Variants in CADM2 observed in about 807,000 individuals in gnomAD.
The protein encoded by CADM2 is cell adhesion molecule 2.
A neutral mutation model predicts 49.8 loss-of-function variants in CADM2; 12 were observed. The observed-to-expected ratio is 0.24, with a 90% CI of 0.15 to 0.39. The LOEUF (loss-of-function observed/expected upper bound fraction) is 0.39. Ranked by LOEUF, CADM2 falls within the 10% of genes least tolerant of loss-of-function variation. CADM2 has a pLI of 1.00. For synonymous variants in CADM2, 214 were observed against 175.4 expected (o/e 1.22, Z -1.74); for missense variants, 378 against 492.3 (o/e 0.77, Z 2.20).
intron 1 of CADM2, among the ~76,000 whole-genome samples, chr3:85,638,670 G>C (rs997838058): frequency 2.6e-5 from 4 of 151,858 alleles, no homozygotes; most frequent in South Asian, 2.1e-4. Context: ...AATGCTGTTG[G>C]ATGACTCTTA....
At chr3:85,749,434 T>G (rs1294230491) in intron 2 of CADM2, among the ~76,000 whole-genome samples, 1 of 152,012 alleles carries the variant, frequency 6.6e-6, no homozygotes, top group Non-Finnish European at 1.5e-5. Context: ...TAACCCATTT[T>G]TTCCTACTTA....
intron 1 of CADM2, among the ~76,000 whole-genome samples, chr3:85,029,417 A>C (rs1032047586): frequency 2.0e-5 from 3 of 152,176 alleles, no homozygotes; most frequent in Non-Finnish European, 2.9e-5. Context: ...TTTGTTAAGG[A>C]TCTTTCTCTT....
intron 1 of CADM2, among the ~76,000 whole-genome samples, chr3:85,651,193 A>G (rs1341928075): frequency 6.6e-6 from 1 of 152,162 alleles, no homozygotes; most frequent in East Asian, 1.9e-4. Context: ...ATCAGAATTA[A>G]TGTAATACAT....
At chr3:85,249,657 A>G (rs1456394707) in intron 1 of CADM2, among the ~76,000 whole-genome samples, 1 of 151,986 alleles carries the variant, frequency 6.6e-6, no homozygotes, top group Admixed American at 6.6e-5. Flanking sequence ...AAAATAATTT[A>G]TTTCAGGTCT....
Position 85,802,088 on chromosome 3 carries a change from GT to G in CADM2, c.132del (p.Glu45LysfsTer7). On this transcript the variant is annotated frameshift_variant, in exon 3 of 10. Transcript: ENST00000383699. LOFTEE classifies it high-confidence loss of function. The stretch of plus-strand genomic sequence containing the variant: ...TCCACTAACACAGAATGTAACCGTT[GT>G]TGAAGGTGGAACTGCAATTTTGACC... Reference protein sequence around the residue: ...QFPLTQNVTVVEGGTAILTCR... With the variant: ...QFPLTQNVTVXEGGTAILTCR... 1 of 1,612,980 alleles carries G rather than the reference GT, an allele frequency of 6.2e-7. No individual in the cohort carries two copies. The highest frequency in any genetic ancestry group is 8.5e-7 in the Non-Finnish European group (1 of 1,179,362).
chr3:85,220,501 T>A (rs2042021035), intron 1 of CADM2, among the ~76,000 whole-genome samples: 1 of 152,138 alleles, frequency 6.6e-6, no homozygotes, highest in South Asian at 2.1e-4. Context: ...AGTCAGGTTC[T>A]TGAGAGTATC....
chr3:85,422,860 G>C (rs563723122), intron 1 of CADM2, among the ~76,000 whole-genome samples: 3 of 152,006 alleles, frequency 2.0e-5, no homozygotes, highest in African/African-American at 7.2e-5. Context: ...AGTGTCTCGG[G>C]GTGTTACAAT....
chr3:85,266,407 G>A (rs763840206), intron 1 of CADM2, among the ~76,000 whole-genome samples: 2 of 151,794 alleles, frequency 1.3e-5, no homozygotes, highest in Non-Finnish European at 2.9e-5. Flanking sequence ...GTAGATAATA[G>A]ATTCAGACTG....
chr3:85,017,442 T>C (rs2107278860), intron 1 of CADM2, among the ~76,000 whole-genome samples: 1 of 152,328 alleles, frequency 6.6e-6, no homozygotes, highest in East Asian at 1.9e-4. Flanking sequence ...TGAAGCAATA[T>C]ATTGTGATGT....
At chr3:85,041,199 G>GT (rs1343628260) in intron 1 of CADM2, among the ~76,000 whole-genome samples, 1 of 152,048 alleles carries the variant, frequency 6.6e-6, no homozygotes, top group Non-Finnish European at 1.5e-5. Flanking sequence ...TGCTATATCT[G>GT]ATTTCATGTG....
chr3:85,696,021 G>T (rs58150499), intron 1 of CADM2, among the ~76,000 whole-genome samples: 4,134 of 152,052 alleles, frequency 0.027, 138 homozygotes, highest in African/African-American at 0.068. Flanking sequence ...CTGATGATTA[G>T]CAATGTTTAG....
intron 1 of CADM2, among the ~76,000 whole-genome samples, chr3:85,599,478 T>C (rs1237989267): frequency 6.6e-6 from 1 of 151,916 alleles, no homozygotes; most frequent in African/African-American, 2.4e-5. Context: ...AGCCCAAAAC[T>C]GTTTCTGCAT....
intron 2 of CADM2, among the ~76,000 whole-genome samples, chr3:85,799,305 A>G (rs2108063423): frequency 6.6e-6 from 1 of 152,222 alleles, no homozygotes; most frequent in South Asian, 2.1e-4. Flanking sequence ...TTCCAATACT[A>G]TGTTGAATAG....
chr3:86,031,773 G>A (rs1196915987), intron 8 of CADM2, among the ~76,000 whole-genome samples: 1 of 151,718 alleles, frequency 6.6e-6, no homozygotes, highest in Non-Finnish European at 1.5e-5. Flanking sequence ...TATTCAGTCA[G>A]TGAGATAGTC....
At chr3:85,135,730 A>G (rs2039398340) in intron 1 of CADM2, among the ~76,000 whole-genome samples, 1 of 152,064 alleles carries the variant, frequency 6.6e-6, no homozygotes, top group East Asian at 1.9e-4. Context: ...ATTGCTGTAG[A>G]AGCATTATTT....
intron 1 of CADM2, among the ~76,000 whole-genome samples, chr3:85,254,767 G>A (rs1003602447): frequency 1.3e-5 from 2 of 152,174 alleles, no homozygotes; most frequent in African/African-American, 4.8e-5. Context: ...AAGAAGGTTG[G>A]GGGTGAGTGG....
chr3:85,468,655 G>C (rs186305578), intron 1 of CADM2, among the ~76,000 whole-genome samples: 1,577 of 152,168 alleles, frequency 0.01, 14 homozygotes, highest in Non-Finnish European at 0.017. Context: ...GTATAAATTT[G>C]GTTTCATTAT....
chr3:85,199,337 G>GTA (rs1243590106), intron 1 of CADM2, among the ~76,000 whole-genome samples: 1 of 142,476 alleles, frequency 7.0e-6, no homozygotes, highest in African/African-American at 2.9e-5. Context: ...CTCTCTTTGT[G>GTA]TGTGTGTGTG....
chr3:85,078,187 C>G (rs1575819226), intron 1 of CADM2, among the ~76,000 whole-genome samples: 1 of 151,976 alleles, frequency 6.6e-6, no homozygotes, highest in South Asian at 2.1e-4. Context: ...TTTTGTATCA[C>G]TGCCTTTCTT....
Sources: allele counts gnomAD v4.1 joint callset (sites outside exome capture counted in the v4.1 genomes callset), GRCh38; gene constraint gnomAD v4.1.1; transcripts MANE v1.5; gene names NCBI Gene and HGNC (gene_info 2026-07-23, HGNC 2026-07-21).